The following WHRN variants were observed in gnomAD, a reference collection of about 807,000 sequenced individuals.
WHRN encodes whirlin, also known as CASK-interacting protein CIP98.
In WHRN, 41 loss-of-function variants were observed where a neutral mutation model predicts 68.3. The observed-to-expected ratio is 0.60, with a 90% CI of 0.47 to 0.78. The LOEUF is 0.78. WHRN is among the 30% of genes least tolerant of loss of function. The pLI is 0.00. For missense variants in WHRN, 1,243 were observed against 1,244.7 expected (o/e 1.00, Z 0.02); for synonymous variants, 560 against 561.3 (o/e 1.00, Z 0.03).
At chr9:114,403,370 C>G (rs752806032) in intron 10 of WHRN, 31 bp from the exon 11 acceptor site, 3 of 1,613,636 alleles carry the variant, frequency 1.9e-6, no homozygotes, top group South Asian at 2.2e-5. Flanking sequence ...ACCACTGAGG[C>G]CTTCGCAGTT....
chr9:114,478,866 G>A, intron 1 of WHRN, 95 bp from the exon 2 acceptor site: 1 of 1,213,136 alleles, frequency 8.2e-7, no homozygotes, highest in South Asian at 1.3e-5. Flanking sequence ...TTTCTCAGGA[G>A]CCCCACATGG....
rs1413225135 is a variant in WHRN, at chr9:114,403,290, G to A, written c.2468C>T (p.Ala823Val). The change falls in exon 11 of 12, where the codon GCG (alanine) becomes GTG (valine). Residue 823 changes from alanine to valine, a missense_variant. Physicochemically the swap from Ala to Val is moderately conservative, Grantham distance 64 (BLOSUM62 0). Transcript: ENST00000362057. ...TSTLVRVKKS[A>V]ATLGIAIEGG... ...CTCGATGGCGATGCCCAGGGTGGCCGCACTTTTCTTCACACGGACCAGAGT... is the reference window on the plus strand; with the variant it reads ...CTCGATGGCGATGCCCAGGGTGGCCACACTTTTCTTCACACGGACCAGAGT... The A allele has an allele frequency of 1.2e-6, 2 of 1,614,014 alleles. No individual in the cohort carries two copies. Among genetic ancestry groups the A allele is most frequent in the African/African-American group, 1.3e-5 (1 of 74,930 alleles).
At chr9:114,495,912 CCT>C (rs1554743853) in intron 1 of WHRN, among the ~76,000 whole-genome samples, 1 of 152,208 alleles carries the variant, frequency 6.6e-6, no homozygotes, top group Non-Finnish European at 1.5e-5. Context: ...AAATCCCTCC[CCT>C]GACTTTCAAA....
chr9:114,452,683 G>C (rs376999939), intron 3 of WHRN, among the ~76,000 whole-genome samples: 9 of 152,204 alleles, frequency 5.9e-5, no homozygotes, highest in Admixed American at 2.6e-4. Context: ...GCTAAAAGAG[G>C]CTGGGTAGCA....
chr9:114,419,854 G>A (rs918754345), intron 7 of WHRN, among the ~76,000 whole-genome samples: 5 of 152,166 alleles, frequency 3.3e-5, no homozygotes, highest in Admixed American at 6.5e-5. Flanking sequence ...TGAATGGACG[G>A]GATTCTCACT....
At chr9:114,485,117 G>C (rs1328151219) in intron 1 of WHRN, among the ~76,000 whole-genome samples, 1 of 152,192 alleles carries the variant, frequency 6.6e-6, no homozygotes, top group Admixed American at 6.5e-5. Context: ...ACGTAATGAT[G>C]AGTCACCCAG....
At chr9:114,473,471 G>A (rs2133068579) in intron 2 of WHRN, among the ~76,000 whole-genome samples, 1 of 152,340 alleles carries the variant, frequency 6.6e-6, no homozygotes, top group South Asian at 2.1e-4. Context: ...CTCTCTAGCT[G>A]TATGACCTGG....
chr9:114,428,568 A>T (rs959549960), intron 3 of WHRN, among the ~76,000 whole-genome samples: 5 of 152,198 alleles, frequency 3.3e-5, no homozygotes, highest in African/African-American at 9.6e-5. Flanking sequence ...GCTAGTGAAA[A>T]GGAGTGCTGA....
chr9:114,496,474 G>A lies in WHRN; in HGVS notation c.618+7710C>T, dbSNP rs146698423. 3.3e-5 allele frequency among the ~76,000 whole-genome samples: 5 copies of A among 152,268 alleles called. No individual in the cohort carries two copies. In the East Asian group the frequency reaches 9.6e-4, roughly 29 times the overall value. ...CTCTGCAATTCAAACAGCTACAGTG[G>A]ATCACATGGGCCCTGAGTCCAGTAT... On this transcript the variant is annotated intron_variant, in intron 1 of 11. Coordinates refer to ENST00000362057, the MANE Select transcript of WHRN (RefSeq NM_015404.4).
intron 7 of WHRN, among the ~76,000 whole-genome samples, chr9:114,408,403 G>A (rs752773690): frequency 6.6e-6 from 1 of 152,220 alleles, no homozygotes; most frequent in Non-Finnish European, 1.5e-5. Context: ...GTGTGAAAAT[G>A]GCAAGAGAGA....
intron 2 of WHRN, among the ~76,000 whole-genome samples, chr9:114,477,198 A>G (rs1044868843): frequency 5.9e-5 from 9 of 152,244 alleles, no homozygotes; most frequent in African/African-American, 2.2e-4. Flanking sequence ...AAGAACACAA[A>G]ACACATTAAA....
intron 3 of WHRN, among the ~76,000 whole-genome samples, chr9:114,443,120 T>C (rs1403223082): frequency 1.3e-5 from 2 of 152,100 alleles, no homozygotes; most frequent in Non-Finnish European, 2.9e-5. Flanking sequence ...GCAGTACTGT[T>C]GCGGCCAGCA....
Position 114,406,794 on chromosome 9 carries a change from T to C in WHRN, c.1797A>G (p.Pro599=), listed in dbSNP as rs1229663793. 2 of 1,613,440 alleles carry C rather than the reference T, an allele frequency of 1.2e-6. No individual in the cohort carries two copies. Among genetic ancestry groups the C allele is most frequent in the Non-Finnish European group, 1.7e-6 (2 of 1,179,782 alleles). Residue 599 remains proline (P), a synonymous_variant, in exon 9 of 12, where the codon CCA becomes CCG. Transcript: ENST00000362057. ...GGAGGTCCTCTCTCCCCAGCTTCCT[T>C]GGCTGGCCTAGTGGGAGGTCGTTGC... The part of the protein sequence containing the change: ...AQGNDLPLGQ[P]RKLGREDLQP...
intron 1 of WHRN, among the ~76,000 whole-genome samples, chr9:114,498,286 C>T (rs1174191704): frequency 1.3e-5 from 2 of 152,120 alleles, no homozygotes; most frequent in Non-Finnish European, 2.9e-5. Flanking sequence ...TTCCTTTTAG[C>T]AGTGACAAAT....
At position 114,504,318 on chromosome 9, in the gene WHRN, G is replaced by T; in HGVS notation, c.484C>A (p.His162Asn). Residue 162 changes from histidine (H) to asparagine (N), a missense_variant, in exon 1 of 12, where the codon CAC (histidine) becomes AAC (asparagine). His to Asn is a moderately conservative substitution (Grantham distance 68, BLOSUM62 1). Transcript: ENST00000362057. ...LGFSIRGGSEHGVGIYVSLVE... is the reference protein window; with the variant it reads ...LGFSIRGGSENGVGIYVSLVE... Reference sequence around the variant, plus strand: ...AGAGACACGTAGATGCCCACGCCGTGCTCCGAGCCCCCACGGATGCTGAAG... The same window carrying T: ...AGAGACACGTAGATGCCCACGCCGTTCTCCGAGCCCCCACGGATGCTGAAG... 6.2e-7 allele frequency: 1 copy of T among 1,611,994 alleles called. No individual in the cohort carries two copies.
intron 1 of WHRN, among the ~76,000 whole-genome samples, chr9:114,488,282 G>A (rs1220536243): frequency 6.6e-6 from 1 of 152,198 alleles, no homozygotes; most frequent in Non-Finnish European, 1.5e-5. Context: ...GCACTGGGCA[G>A]GGCGCACAGG....
At chr9:114,453,722 ATAT>A (rs1158820191) in intron 3 of WHRN, among the ~76,000 whole-genome samples, 1 of 152,214 alleles carries the variant, frequency 6.6e-6, no homozygotes, top group Non-Finnish European at 1.5e-5. Context: ...GATATCCTAT[ATAT>A]TACATGTCCA....
At chr9:114,455,444 G>C (rs1839699363) in intron 3 of WHRN, among the ~76,000 whole-genome samples, 1 of 152,192 alleles carries the variant, frequency 6.6e-6, no homozygotes, top group Admixed American at 6.5e-5. Flanking sequence ...TTTCCAGCCA[G>C]GCATAGTGGC....
At chr9:114,469,133 C>A (rs10817618) in intron 2 of WHRN, among the ~76,000 whole-genome samples, 95,372 of 152,052 alleles carry the variant, frequency 0.63, 31,819 homozygotes, top group Middle Eastern at 0.77. Flanking sequence ...GTGGCTGGCA[C>A]AGGGAAGCAC....
Sources: allele counts gnomAD v4.1 joint callset (sites outside exome capture counted in the v4.1 genomes callset), GRCh38; gene constraint gnomAD v4.1.1; transcripts MANE v1.5; gene names NCBI Gene and HGNC (gene_info 2026-07-23, HGNC 2026-07-21).